Variants in KATNAL1 observed in about 807,000 individuals in gnomAD.
The protein encoded by KATNAL1 is katanin p60 ATPase-containing subunit A-like 1.
In KATNAL1, 32 loss-of-function variants were observed where a neutral mutation model predicts 55.2. The observed-to-expected ratio is 0.58, with a 90% CI of 0.44 to 0.78. The LOEUF (loss-of-function observed/expected upper bound fraction) is 0.78. Among genes scored for constraint, KATNAL1 ranks in the 30% least tolerant of loss-of-function variants. KATNAL1 has a pLI of 0.00. For synonymous variants in KATNAL1, 193 were observed against 193.6 expected, an observed-to-expected ratio of 1.00 and a Z score of 0.02; for missense variants, 466 against 600.9, an observed-to-expected ratio of 0.78 and a Z score of 2.35.
chr13:30,259,475 T>C lies in KATNAL1; in HGVS notation c.324-3860A>G, dbSNP rs546849032. 2.0e-5 allele frequency among the ~76,000 whole-genome samples: 3 copies of C among 152,200 alleles called. No individual in the cohort carries two copies. The East Asian group carries it at 5.8e-4, about 29-fold the overall frequency. ...ATCTGAGGTACTGGGTTCATCTCAC[T>C]AGGGAGTGCCAGACAGTGGGCGCAG... is the stretch of plus-strand genomic sequence containing the variant. On this transcript the variant is annotated intron_variant, in intron 3 of 10. Coordinates refer to ENST00000380615, the MANE Select transcript of KATNAL1 (RefSeq NM_032116.5).
rs11348486 is a variant in KATNAL1, at chr13:30,255,620, CAAAAA to C, written c.324-10_324-6del. 2.9e-4 allele frequency: 310 copies of C among 1,080,550 alleles called. No homozygotes were observed. The highest frequency in any genetic ancestry group is 1.2e-3 in the South Asian group (32 of 27,204). The allele number at this position is 1,080,550 out of a possible 1,614,324, so 66.9% of individuals were successfully genotyped here. A position where few individuals can be genotyped will look rare whatever the true frequency, so the allele number is the denominator to read the frequency against. ...CGCCTGATCTGAGGTGGAGCTCTGA[CAAAAA>C]AAAAAAAAAAAAAATTAAAATTAAA... is the stretch of plus-strand genomic sequence containing the variant. On this transcript the variant is annotated splice_polypyrimidine_tract_variant and splice_region_variant and intron_variant, in intron 3 of 10. Coordinates refer to ENST00000380615, the MANE Select transcript of KATNAL1 (RefSeq NM_032116.5).
In KATNAL1 at chr13:30,215,059, A is replaced by T. The variant is rs866758533; in HGVS notation, c.1148-4617T>A. Among the ~76,000 whole-genome samples the T allele has an allele frequency of 1.2e-3, 182 of 151,556 alleles. 1 individual carries two copies. The South Asian group carries it at 0.015, about 13-fold the overall frequency. On this transcript the variant is annotated intron_variant, in intron 9 of 10. Coordinates refer to ENST00000380615, the MANE Select transcript of KATNAL1 (RefSeq NM_032116.5). Reference sequence around the variant, plus strand: ...GGCTAATATCCAGAATCTACAATGAACTCAAACAAATTTACAAGAAAAAAA... The same window carrying T: ...GGCTAATATCCAGAATCTACAATGATCTCAAACAAATTTACAAGAAAAAAA...
At chr13:30,238,137 C>T (rs1270778582) in intron 6 of KATNAL1, among the ~76,000 whole-genome samples, 1 of 152,178 alleles carries the variant, frequency 6.6e-6, no homozygotes, top group African/African-American at 2.4e-5. Flanking sequence ...TCAAAGAGGT[C>T]TCCCAAACAC....
chr13:30,260,915 T>C (rs969042578), intron 3 of KATNAL1, among the ~76,000 whole-genome samples: 2 of 150,508 alleles, frequency 1.3e-5, no homozygotes, highest in Non-Finnish European at 3.0e-5. Context: ...GACACATAAT[T>C]GTCAGATTCA....
rs146204608 is a variant in KATNAL1 at position 30,269,072 on chromosome 13, C to T, written c.323+10991G>A. ...AAAGCTGCTCCCTCTCCCTCTCCCC[C>T]TCCCCCTCTCCCCACGGTCTCTCTC... On this transcript the variant is annotated intron_variant, in intron 3 of 10. Transcript: ENST00000380615. Among the ~76,000 whole-genome samples, 1,208 of 152,198 alleles carry T rather than the reference C, an allele frequency of 7.9e-3. 10 individuals are homozygous for T. The highest frequency in any genetic ancestry group is 0.027 in the African/African-American group (1,140 of 41,536).
At chr13:30,215,072 T>C (rs915972229) in intron 9 of KATNAL1, among the ~76,000 whole-genome samples, 104 of 150,202 alleles carry the variant, frequency 6.9e-4, no homozygotes, top group African/African-American at 2.5e-3. Flanking sequence ...CAAACAAATT[T>C]ACAAGAAAAA....
At chr13:30,248,030 G>C (rs1877953153) in intron 4 of KATNAL1, among the ~76,000 whole-genome samples, 1 of 152,172 alleles carries the variant, frequency 6.6e-6, no homozygotes, top group Admixed American at 6.5e-5. Context: ...CTCCTATTAA[G>C]ACAGCCTTGA....
At chr13:30,257,793 G>C (rs1878918549) in intron 3 of KATNAL1, among the ~76,000 whole-genome samples, 1 of 152,208 alleles carries the variant, frequency 6.6e-6, no homozygotes, top group South Asian at 2.1e-4. Context: ...CAAGAAGCCA[G>C]ACGTGTCGTT....
intron 3 of KATNAL1, among the ~76,000 whole-genome samples, chr13:30,261,406 T>G (rs909186524): frequency 5.3e-5 from 8 of 152,140 alleles, no homozygotes; most frequent in African/African-American, 1.7e-4. Flanking sequence ...ATGCTCCAGT[T>G]AAAAGACACA....
chr13:30,305,305 A>G (rs1883110221), intron 1 of KATNAL1, among the ~76,000 whole-genome samples: 1 of 152,230 alleles, frequency 6.6e-6, no homozygotes, highest in Non-Finnish European at 1.5e-5. Context: ...CCAAATACAA[A>G]ATACTGATTC....
intron 1 of KATNAL1, among the ~76,000 whole-genome samples, chr13:30,286,560 A>C (rs1438019677): frequency 2.0e-5 from 3 of 152,238 alleles, no homozygotes; most frequent in African/African-American, 7.2e-5. Flanking sequence ...TCCAGGCAGA[A>C]GTCTGCTGCA....
At chr13:30,242,611 A>G (rs1283866991) in intron 4 of KATNAL1, among the ~76,000 whole-genome samples, 1 of 152,154 alleles carries the variant, frequency 6.6e-6, no homozygotes, top group Admixed American at 6.6e-5. Flanking sequence ...AAGAGGTTGA[A>G]GATATGGGCA....
chr13:30,276,003 C>T (rs532242351), intron 3 of KATNAL1, among the ~76,000 whole-genome samples: 50 of 152,120 alleles, frequency 3.3e-4, no homozygotes, highest in African/African-American at 1.1e-3. Context: ...AAGAAACCAA[C>T]TCATTAAAGA....
At chr13:30,212,429 C>A (rs1873778474) in intron 9 of KATNAL1, among the ~76,000 whole-genome samples, 1 of 152,214 alleles carries the variant, frequency 6.6e-6, no homozygotes, top group Admixed American at 6.5e-5. Context: ...TGCTCATGCA[C>A]CCCTCACCAC....
chr13:30,224,136 T>C lies in KATNAL1; in HGVS notation c.1147+3276A>G, dbSNP rs183287037. 4.6e-4 allele frequency among the ~76,000 whole-genome samples: 70 copies of C among 152,072 alleles called. 2 individuals are homozygous for C. Among genetic ancestry groups the C allele is most frequent in the African/African-American group, 1.5e-3 (64 of 41,468 alleles). On this transcript the variant is annotated intron_variant, in intron 9 of 10. Transcript: ENST00000380615. ...AAGAAAGGGGATAAAAAAGGAAAAT[T>C]AGAAAACAGTTCTAACTTAATAGTA...
intron 4 of KATNAL1, among the ~76,000 whole-genome samples, chr13:30,241,995 A>T (rs1877328047): frequency 6.6e-6 from 1 of 152,224 alleles, no homozygotes; most frequent in Admixed American, 6.5e-5. Flanking sequence ...CAGATGACAG[A>T]TATCAATACT....
chr13:30,245,917 A>G (rs1319668489), intron 4 of KATNAL1, among the ~76,000 whole-genome samples: 1 of 152,196 alleles, frequency 6.6e-6, no homozygotes, highest in Non-Finnish European at 1.5e-5. Context: ...CTAATGGAAA[A>G]ACATTCCATG....
chr13:30,254,100 C>A (rs1878584857), intron 4 of KATNAL1, among the ~76,000 whole-genome samples: 1 of 152,180 alleles, frequency 6.6e-6, no homozygotes, highest in Non-Finnish European at 1.5e-5. Context: ...CTGAAAGTTC[C>A]TTACCCTGTT....
At chr13:30,229,934 AAAAAG>A (rs1249439307) in intron 8 of KATNAL1, among the ~76,000 whole-genome samples, 3 of 138,224 alleles carry the variant, frequency 2.2e-5, no homozygotes, top group Non-Finnish European at 3.1e-5. Context: ...AAATATTAAA[AAAAAG>A]AAGAGGGGCT....
Sources: gnomAD v4.1 joint callset for allele counts (sites outside exome capture counted in the v4.1 genomes callset) on GRCh38, gnomAD v4.1.1 for gene constraint, MANE v1.5 for transcripts, NCBI Gene and HGNC (gene_info 2026-07-23, HGNC 2026-07-21) for gene names.